The following MTREX variants were observed in gnomAD, a reference collection of about 807,000 sequenced individuals.
The protein encoded by MTREX is Mtr4 exosome RNA helicase.
Under a neutral mutation model 135.4 loss-of-function variants are expected in MTREX, and 76 were observed. The observed-to-expected ratio is 0.56, with a 90% confidence interval of 0.47 to 0.68. The LOEUF (loss-of-function observed/expected upper bound fraction) is 0.68, where lower values mean the gene tolerates loss of function less well. Among genes scored for constraint, MTREX ranks in the 30% least tolerant of loss-of-function variants. MTREX has a pLI of 0.00. For synonymous variants in MTREX, 404 were observed against 401.6 expected (o/e 1.01, Z -0.07); for missense variants, 920 against 1,262.1 (o/e 0.73, Z 4.11).
intron 6 of MTREX, 23 bp from the exon 7 acceptor site, chr5:55,341,658 A>T: frequency 7.4e-7 from 1 of 1,355,512 alleles, no homozygotes; most frequent in Non-Finnish European, 1.0e-6. Flanking sequence ...CCAACTAAAT[A>T]CATTTTTTAC....
At chr5:55,403,427 GAA>G (rs1402598221) in intron 21 of MTREX, among the ~76,000 whole-genome samples, 1 of 151,926 alleles carries the variant, frequency 6.6e-6, no homozygotes, top group Non-Finnish European at 1.5e-5. Context: ...TTTTAAAAAA[GAA>G]AGAAAAAACC....
At chr5:55,315,861 A>G (rs1467057557) in intron 1 of MTREX, among the ~76,000 whole-genome samples, 16 of 137,416 alleles carry the variant, frequency 1.2e-4, no homozygotes, top group Admixed American at 4.4e-4. Flanking sequence ...ACCCAACTTG[A>G]AAAAAAAAAA....
chr5:55,317,763 A>C (rs555793122), intron 1 of MTREX, among the ~76,000 whole-genome samples: 4 of 152,200 alleles, frequency 2.6e-5, no homozygotes, highest in Non-Finnish European at 5.9e-5. Context: ...CAACAAAAGC[A>C]AAAATTGACA....
chr5:55,325,621 A>G, intron 3 of MTREX, among the ~76,000 whole-genome samples: 1 of 151,714 alleles, frequency 6.6e-6, no homozygotes, highest in Non-Finnish European at 1.5e-5. Flanking sequence ...AAGTGCTGGG[A>G]TTACAGGCAT....
chr5:55,372,996 T>C (rs1369479158), intron 16 of MTREX, among the ~76,000 whole-genome samples: 1 of 151,714 alleles, frequency 6.6e-6, no homozygotes, highest in Non-Finnish European at 1.5e-5. Context: ...TATATAGTCT[T>C]GTTAAAACGT....
At chr5:55,373,767 T>G (rs1009486523) in intron 16 of MTREX, among the ~76,000 whole-genome samples, 1 of 151,604 alleles carries the variant, frequency 6.6e-6, no homozygotes, top group Non-Finnish European at 1.5e-5. Flanking sequence ...AACCTGTGAC[T>G]AGTGGGGGTA....
chr5:55,338,240 T>C (rs922714391), intron 5 of MTREX, among the ~76,000 whole-genome samples: 2 of 152,198 alleles, frequency 1.3e-5, no homozygotes, highest in African/African-American at 4.8e-5. Flanking sequence ...TTTATTTTGC[T>C]TTCATTTTTG....
chr5:55,332,185 G>A (rs1749489537), intron 5 of MTREX, among the ~76,000 whole-genome samples: 1 of 152,150 alleles, frequency 6.6e-6, no homozygotes. Flanking sequence ...ATCACCAGGT[G>A]ATGAATACTA....
chr5:55,380,934 T>C (rs1376308360), intron 18 of MTREX, among the ~76,000 whole-genome samples: 1 of 152,206 alleles, frequency 6.6e-6, no homozygotes, highest in African/African-American at 2.4e-5. Flanking sequence ...CTTAAATATT[T>C]GGTAGAACTT....
chr5:55,397,532 T>C lies in MTREX; in HGVS notation c.2292+6T>C, dbSNP rs372299790. 1.1e-5 allele frequency: 17 copies of C among 1,540,886 alleles called. No homozygotes were observed. The highest frequency in any genetic ancestry group is 1.7e-5 in the Admixed American group (1 of 57,680). ...GTGTTTTAAAATCAATACAGGTATGTGTTAATTTCATAAGTTAAGTATAAA... is the reference window on the plus strand; with the variant it reads ...GTGTTTTAAAATCAATACAGGTATGCGTTAATTTCATAAGTTAAGTATAAA... On this transcript the variant is annotated splice_donor_region_variant and intron_variant, in intron 20 of 26. Transcript: ENST00000230640.
intron 1 of MTREX, 39 bp downstream of exon 1, chr5:55,308,186 C>G (rs1236839610): frequency 1.3e-6 from 2 of 1,541,782 alleles, no homozygotes; most frequent in Admixed American, 2.1e-5. Flanking sequence ...TATTTTTTTT[C>G]TCGGTGGGGA....
At chr5:55,315,752 G>A (rs1383962448) in intron 1 of MTREX, among the ~76,000 whole-genome samples, 2 of 151,378 alleles carry the variant, frequency 1.3e-5, no homozygotes, top group Admixed American at 6.6e-5. Flanking sequence ...ATGTATAATT[G>A]TACAGTGAAG....
At chr5:55,345,654 G>A (rs528559909) in intron 10 of MTREX, among the ~76,000 whole-genome samples, 19 of 148,276 alleles carry the variant, frequency 1.3e-4, no homozygotes, top group South Asian at 1.1e-3. Flanking sequence ...TTCAAGGTTC[G>A]TTACTTTTAA....
intron 18 of MTREX, among the ~76,000 whole-genome samples, chr5:55,387,220 AT>A (rs1463649063): frequency 2.0e-5 from 3 of 152,068 alleles, no homozygotes; most frequent in Non-Finnish European, 4.4e-5. Flanking sequence ...ATTTGGAAAT[AT>A]GTTTTATTCT....
chr5:55,410,413 C>T (rs1279634294), intron 22 of MTREX, 111 bp from the exon 23 acceptor site: 3 of 480,492 alleles, frequency 6.2e-6, no homozygotes, highest in Non-Finnish European at 3.7e-6. Flanking sequence ...TCATTGATTA[C>T]TCCTTAAGGT....
chr5:55,314,934 T>C (rs1275219971), intron 1 of MTREX, among the ~76,000 whole-genome samples: 2 of 152,254 alleles, frequency 1.3e-5, no homozygotes, highest in African/African-American at 2.4e-5. Flanking sequence ...CTGATCTGAC[T>C]GGAGGCAGAG....
chr5:55,361,034 A>G (rs1749998278), intron 15 of MTREX, among the ~76,000 whole-genome samples: 1 of 152,214 alleles, frequency 6.6e-6, no homozygotes, highest in African/African-American at 2.4e-5. Flanking sequence ...ACTATATGGT[A>G]CTGCTTCTCA....
intron 1 of MTREX, among the ~76,000 whole-genome samples, chr5:55,311,786 A>T (rs1749117536): frequency 6.6e-6 from 1 of 152,244 alleles, no homozygotes; most frequent in Admixed American, 6.5e-5. Flanking sequence ...GTTATAATTG[A>T]AATGATAGTA....
At chr5:55,388,940 G>A (rs1750522699) in intron 19 of MTREX, among the ~76,000 whole-genome samples, 1 of 152,156 alleles carries the variant, frequency 6.6e-6, no homozygotes, top group African/African-American at 2.4e-5. Flanking sequence ...AGTAAAATCT[G>A]CCACTGTAGT....
Sources: allele counts gnomAD v4.1 joint callset (sites outside exome capture counted in the v4.1 genomes callset), GRCh38; gene constraint gnomAD v4.1.1; transcripts MANE v1.5; gene names NCBI Gene and HGNC (gene_info 2026-07-23, HGNC 2026-07-21).